Variants in TBCK observed in about 807,000 individuals in gnomAD.
TBCK encodes TBC1 domain containing kinase, also known as TBC domain-containing protein kinase-like protein.
In TBCK, 99 loss-of-function variants were observed where a neutral mutation model predicts 113.4. The observed-to-expected ratio is 0.87, with a 90% CI of 0.74 to 1.03. The LOEUF is 1.03. Among genes scored for constraint, TBCK ranks in the 50% least tolerant of loss-of-function variants. The pLI is 0.00. For synonymous variants in TBCK, 369 were observed against 370.8 expected, an observed-to-expected ratio of 1.00 and a Z score of 0.05; for missense variants, 1,045 against 1,061.3, an observed-to-expected ratio of 0.98 and a Z score of 0.21.
chr4:106,307,281 C>T (rs774398404), intron 2 of TBCK, among the ~76,000 whole-genome samples: 7 of 152,064 alleles, frequency 4.6e-5, no homozygotes, highest in Non-Finnish European at 8.8e-5. Context: ...GTTTAATTTT[C>T]TTATCTGTAA....
rs183292713 is a variant in TBCK, at chr4:106,303,747, A to G, written c.193+5021T>C. ...GCCCTTTCAAAAGATTCCACAACTG[A>G]TATCAACCAACTACCTGACACTACC... On this transcript the variant is annotated intron_variant, in intron 2 of 25. Coordinates refer to ENST00000394708, the MANE Select transcript of TBCK (RefSeq NM_001163435.3). 6.2e-4 allele frequency among the ~76,000 whole-genome samples: 95 copies of G among 152,274 alleles called. 1 individual carries two copies. The highest frequency in any genetic ancestry group is 4.4e-3 in the Admixed American group (67 of 15,290).
chr4:106,201,588 C>G (rs1427238421), intron 20 of TBCK, among the ~76,000 whole-genome samples: 1 of 151,882 alleles, frequency 6.6e-6, no homozygotes, highest in African/African-American at 2.4e-5. Flanking sequence ...CAATATCAAG[C>G]AAGAGTAGTG....
intron 24 of TBCK, among the ~76,000 whole-genome samples, chr4:106,109,997 T>A (rs1578920823): frequency 6.9e-6 from 1 of 144,168 alleles, no homozygotes; most frequent in South Asian, 2.1e-4. Flanking sequence ...CAAGGGGATA[T>A]AAAGGAATTG....
intron 3 of TBCK, among the ~76,000 whole-genome samples, chr4:106,268,830 T>C (rs1321330770): frequency 3.3e-5 from 5 of 152,084 alleles, no homozygotes; most frequent in Admixed American, 1.3e-4. Flanking sequence ...TTGCAAGAAA[T>C]AGGGGCCAGG....
intron 25 of TBCK, among the ~76,000 whole-genome samples, chr4:106,070,690 A>G (rs1425362258): frequency 2.0e-5 from 3 of 151,820 alleles, no homozygotes; most frequent in Non-Finnish European, 4.4e-5. Context: ...CCCTTTTTCT[A>G]TTGATTGGAA....
intron 25 of TBCK, among the ~76,000 whole-genome samples, chr4:106,076,197 G>C (rs1195723956): frequency 1.3e-5 from 2 of 152,174 alleles, no homozygotes; most frequent in African/African-American, 4.8e-5. Context: ...GGCACCATAG[G>C]CAGGCAGTTC....
intron 24 of TBCK, among the ~76,000 whole-genome samples, chr4:106,096,304 A>C (rs2149520219): frequency 6.6e-6 from 1 of 152,306 alleles, no homozygotes; most frequent in South Asian, 2.1e-4. Flanking sequence ...TTTTTAAAAA[A>C]CTGAAAGTAC....
At chr4:106,157,547 G>A (rs1749270450) in intron 23 of TBCK, among the ~76,000 whole-genome samples, 1 of 152,110 alleles carries the variant, frequency 6.6e-6, no homozygotes, top group Non-Finnish European at 1.5e-5. Context: ...TTCCCCTCTG[G>A]CTAGAGTTGG....
chr4:106,167,139 G>A (rs953802391), intron 23 of TBCK, among the ~76,000 whole-genome samples: 1 of 147,130 alleles, frequency 6.8e-6, no homozygotes, highest in African/African-American at 2.5e-5. Context: ...TATAGAGAGA[G>A]AGAGAGAGAA....
intron 19 of TBCK, among the ~76,000 whole-genome samples, chr4:106,216,439 G>T (rs1170941608): frequency 6.6e-6 from 1 of 152,082 alleles, no homozygotes; most frequent in Non-Finnish European, 1.5e-5. Context: ...CTGGTTTTCT[G>T]AAAGGATCAA....
chr4:106,279,220 C>A (rs1764335966), intron 3 of TBCK, among the ~76,000 whole-genome samples: 1 of 152,176 alleles, frequency 6.6e-6, no homozygotes, highest in Non-Finnish European at 1.5e-5. Context: ...ACTGAAGGAA[C>A]TGATTGAATA....
intron 23 of TBCK, among the ~76,000 whole-genome samples, chr4:106,151,819 C>T (rs1748525486): frequency 6.6e-6 from 1 of 151,716 alleles, no homozygotes; most frequent in Non-Finnish European, 1.5e-5. Flanking sequence ...TTGGTTAATT[C>T]CTAAGTATTT....
intron 23 of TBCK, among the ~76,000 whole-genome samples, chr4:106,157,387 A>G (rs558742644): frequency 5.9e-5 from 9 of 152,082 alleles, no homozygotes; most frequent in African/African-American, 1.7e-4. Flanking sequence ...TAGTCCACTC[A>G]CTTTAATCTA....
At chr4:106,231,664 C>A (rs978078789) in intron 18 of TBCK, 65 bp downstream of exon 18, 1 of 1,474,160 alleles carries the variant, frequency 6.8e-7, no homozygotes, top group South Asian at 1.2e-5. Context: ...AAAAACCTTT[C>A]ATGTGTGAAT....
rs1330625391 is a variant in TBCK, at chr4:106,137,968, T to C, written c.2236-21590A>G. On this transcript the variant is annotated intron_variant, in intron 23 of 25. Transcript: ENST00000394708. Reference sequence around the variant, plus strand: ...TCAAATGATGGGCAGGAGTAGACAGTATTTGTACAGTCATGTGTTGCTTAA... The same window carrying C: ...TCAAATGATGGGCAGGAGTAGACAGCATTTGTACAGTCATGTGTTGCTTAA... Among the ~76,000 whole-genome samples the C allele has an allele frequency of 3.5e-5, 5 of 141,318 alleles. 1 individual carries two copies. Among genetic ancestry groups the C allele is most frequent in the Non-Finnish European group, 8.0e-5 (5 of 62,114 alleles). 92.7% of individuals were successfully genotyped at this position (141,318 alleles called of 152,430 possible).
intron 19 of TBCK, among the ~76,000 whole-genome samples, chr4:106,224,250 T>G (rs1328835867): frequency 6.6e-6 from 1 of 152,002 alleles, no homozygotes; most frequent in East Asian, 1.9e-4. Flanking sequence ...TGAGTGTATA[T>G]ATATTTTAGA....
At chr4:106,251,717 A>T (rs2150065319) in intron 6 of TBCK, 149 bp downstream of exon 6, 1 of 679,652 alleles carries the variant, frequency 1.5e-6, no homozygotes, top group South Asian at 5.1e-5. Flanking sequence ...TGAAATTATC[A>T]AACATGATTA....
chr4:106,127,448 T>C (rs1219758547), intron 23 of TBCK, among the ~76,000 whole-genome samples: 2 of 152,084 alleles, frequency 1.3e-5, no homozygotes, highest in Non-Finnish European at 2.9e-5. Context: ...AAAAACTGTG[T>C]TTTTATATTC....
intron 25 of TBCK, among the ~76,000 whole-genome samples, chr4:106,083,089 G>A (rs957152329): frequency 1.1e-4 from 17 of 152,252 alleles, no homozygotes; most frequent in Non-Finnish European, 2.4e-4. Context: ...GAGGCGACCA[G>A]CACTGGCTGC....
Sources: allele counts gnomAD v4.1 joint callset (sites outside exome capture counted in the v4.1 genomes callset), GRCh38; gene constraint gnomAD v4.1.1; transcripts MANE v1.5; gene names NCBI Gene and HGNC (gene_info 2026-07-23, HGNC 2026-07-21).